The following CTC1 variants were observed in gnomAD, a reference collection of about 807,000 sequenced individuals.
CTC1 encodes the protein CST complex subunit CTC1.
Under a neutral mutation model 136.3 loss-of-function variants are expected in CTC1, and 91 were observed. The ratio of observed to expected loss-of-function variants is 0.67; its 90% confidence interval spans 0.56 to 0.79. CTC1 has a LOEUF of 0.79. Among genes scored for constraint, CTC1 ranks in the 30% least tolerant of loss-of-function variants. CTC1 has a pLI of 0.00. For synonymous variants in CTC1, 606 were observed against 613.8 expected, an observed-to-expected ratio of 0.99 and a Z score of 0.19; for missense variants, 1,432 against 1,498.1, an observed-to-expected ratio of 0.96 and a Z score of 0.73.
intron 1 of CTC1, among the ~76,000 whole-genome samples, chr17:8,245,498 A>G (rs570908211): frequency 6.8e-4 from 104 of 152,068 alleles, no homozygotes; most frequent in Non-Finnish European, 1.2e-3. Context: ...CTCTCCCAGT[A>G]TTCTTTTGTA....
At chr17:8,232,858 A>G (rs751025598) in intron 11 of CTC1, 48 bp downstream of exon 11, 1 of 1,600,376 alleles carries the variant, frequency 6.2e-7, no homozygotes, top group South Asian at 1.1e-5. Flanking sequence ...CCTGGCTATG[A>G]GAACCACCAT....
At chr17:8,245,270 G>A (rs1378173604) in intron 1 of CTC1, among the ~76,000 whole-genome samples, 1 of 151,984 alleles carries the variant, frequency 6.6e-6, no homozygotes, top group Non-Finnish European at 1.5e-5. Flanking sequence ...ATAAACCTGC[G>A]CACGTCCCCC....
intron 12 of CTC1, 50 bp downstream of exon 12, chr17:8,232,311 G>A (rs1421211868): frequency 1.9e-6 from 3 of 1,585,136 alleles, no homozygotes; most frequent in Non-Finnish European, 2.6e-6. Flanking sequence ...CTTCCACCAG[G>A]CCCTTCCTTC....
At position 8,242,543 on chromosome 17, in the gene CTC1, A is replaced by ATAT. The variant is rs1988328631; in HGVS notation, c.197+441_197+442insATA. 4.7e-5 allele frequency among the ~76,000 whole-genome samples: 4 copies of ATAT among 85,782 alleles called. No individual in the cohort carries two copies. The Admixed American group carries it at 7.9e-4, about 17-fold the overall frequency. 56.3% of individuals were successfully genotyped at this position (85,782 alleles called of 152,430 possible). On this transcript the variant is annotated intron_variant, in intron 2 of 22. Transcript: ENST00000651323. Reference sequence around the variant, plus strand: ...ATGATAGTGTAGAGAGAAAAAAAAAAAAAAAAAAAAATATATATATATATA... The same window carrying ATAT: ...ATGATAGTGTAGAGAGAAAAAAAAAATATAAAAAAAAAAATATATATATATATA...
At chr17:8,231,570 G>A (rs1315192739) in intron 14 of CTC1, 101 bp from the exon 15 acceptor site, 2 of 1,287,668 alleles carry the variant, frequency 1.6e-6, no homozygotes, top group Non-Finnish European at 2.2e-6. Flanking sequence ...GGAGCATGGA[G>A]AAGGAAGTGT....
chr17:8,232,188 C>A lies in CTC1; in HGVS notation c.2100G>T (p.Leu700=). 1 of 1,527,520 alleles carries A rather than the reference C, an allele frequency of 6.5e-7. No individual in the cohort carries two copies. The highest frequency in any genetic ancestry group is 8.8e-7 in the Non-Finnish European group (1 of 1,141,242). The allele number at this position is 1,527,520 out of a possible 1,614,324, so 94.6% of individuals were successfully genotyped here. ...AATGAAGGCAGGGTCTGGGCACAGG[C>A]AGGATCAGGGCATCAGCCAGAAAGA... is the stretch of plus-strand genomic sequence containing the variant. The part of the protein sequence containing the change: ...VQFFLADALI[L]PVPRPCLHSA... The change falls in exon 13 of 23, where the codon CTG becomes CTT. Residue 700 remains leucine (L), a synonymous_variant. Coordinates refer to ENST00000651323, the MANE Select transcript of CTC1 (RefSeq NM_025099.6).
At chr17:8,241,014 C>A (rs577635575) in intron 2 of CTC1, among the ~76,000 whole-genome samples, 4 of 151,992 alleles carry the variant, frequency 2.6e-5, no homozygotes, top group Admixed American at 6.6e-5. Flanking sequence ...ATGGGCCGGG[C>A]GCGGTGGCTC....
In CTC1 at chr17:8,234,508, G is replaced by A. The variant is rs759152295; in HGVS notation, c.1765C>T (p.Arg589Cys). 6.9e-5 allele frequency: 108 copies of A among 1,555,054 alleles called. No individual in the cohort carries two copies. Among genetic ancestry groups the A allele is most frequent in the Non-Finnish European group, 7.9e-5 (91 of 1,148,628 alleles). Residue 589 changes from arginine (R) to cysteine (C), a missense_variant, in exon 10 of 23, where the codon CGC becomes TGC. Coordinates refer to ENST00000651323, the MANE Select transcript of CTC1 (RefSeq NM_025099.6). ...SYLPSCQLNR[R>C]LAWSWLCLLP... is the part of the protein sequence containing the mutation. ...AGACAGAGCCAGGACCAAGCCAGGC[G>A]GCGATTGAGTTGGCAGCTGGGCAGG... is the stretch of plus-strand genomic sequence containing the variant.
rs1010062693 is a variant in CTC1 at position 8,237,380 on chromosome 17, C to A, written c.787G>T (p.Val263Leu). 1 of 1,613,928 alleles carries A rather than the reference C, an allele frequency of 6.2e-7. No homozygotes were observed. The highest frequency in any genetic ancestry group is 1.3e-5 in the African/African-American group (1 of 74,874). ...HPAVTHVSII[V>L]QVPAQLVWHR... Reference sequence around the variant, plus strand: ...GAAATGACCCCAGTCCTCACCTGCACGATGATGGACACGTGGGTGACAGCT... The same window carrying A: ...GAAATGACCCCAGTCCTCACCTGCAAGATGATGGACACGTGGGTGACAGCT... The change falls in exon 5 of 23, where the codon GTG becomes TTG. Residue 263 changes from valine to leucine, a missense_variant. Coordinates refer to ENST00000651323, the MANE Select transcript of CTC1 (RefSeq NM_025099.6).
intron 2 of CTC1, among the ~76,000 whole-genome samples, chr17:8,242,533 GAAAAAA>G (rs58895309): frequency 0.03 from 2,488 of 83,522 alleles, 34 homozygotes; most frequent in African/African-American, 0.072. Context: ...AGTGTAGAGA[GAAAAAA>G]AAAAAAAAAA....
Position 8,229,914 on chromosome 17 carries a change from A to G in CTC1, c.2988T>C (p.Ser996=). 6.2e-7 allele frequency: 1 copy of G among 1,614,020 alleles called. No homozygotes were observed. The highest frequency in any genetic ancestry group is 8.5e-7 in the Non-Finnish European group (1 of 1,179,988). ...FRSSTYVQVL[S]FPPETTISIP... ...ACCTGATGGTGGTCTCAGGGGGAAA[A>G]CTCAGGACCTGCACATAAGTGGATG... is the stretch of plus-strand genomic sequence containing the variant. Residue 996 remains serine, a synonymous_variant, in exon 18 of 23, where the codon AGT becomes AGC. Coordinates refer to ENST00000651323, the MANE Select transcript of CTC1 (RefSeq NM_025099.6).
intron 19 of CTC1, 41 bp downstream of exon 19, chr17:8,229,261 G>A (rs753432164): frequency 6.2e-7 from 1 of 1,613,964 alleles, no homozygotes; most frequent in South Asian, 1.1e-5. Flanking sequence ...CATCCCTCTG[G>A]CACTCCATAC....
chr17:8,234,384 C>T (rs1031728686), intron 10 of CTC1, 71 bp downstream of exon 10: 51 of 1,407,728 alleles, frequency 3.6e-5, no homozygotes, highest in Middle Eastern at 3.5e-4. Flanking sequence ...AGATAGTAAC[C>T]GAGACTAGAG....
Position 8,236,249 on chromosome 17 carries a change from G to C in CTC1, c.886C>G (p.Gln296Glu). ...GACTGACTGGTCATCCAAACATGCT[G>C]GCGCTGACCACGGATCTTGGACACT... ...LRVSKIRGQR[Q>E]HVWMTSQSSR... Residue 296 changes from glutamine to glutamate, a missense_variant, in exon 6 of 23, where the codon CAG becomes GAG. By Grantham distance (29) the Gln-to-Glu change is conservative (BLOSUM62 2). Coordinates refer to ENST00000651323, the MANE Select transcript of CTC1 (RefSeq NM_025099.6). 6.2e-7 allele frequency: 1 copy of C among 1,614,196 alleles called. No homozygotes were observed. The highest frequency in any genetic ancestry group is 8.5e-7 in the Non-Finnish European group (1 of 1,180,048).
In CTC1 at chr17:8,226,179, C is replaced by G. The variant is rs1049450711; in HGVS notation, c.*2001G>C. On this transcript the variant is annotated 3_prime_UTR_variant, in exon 23 of 23. Transcript: ENST00000651323. ...ACTCTTACGCGTTCTGATATAAAAACAATACATGAAAGGATGTGGATTTAG... is the reference window on the plus strand; with the variant it reads ...ACTCTTACGCGTTCTGATATAAAAAGAATACATGAAAGGATGTGGATTTAG... 1 of 152,154 alleles carries G rather than the reference C, an allele frequency of 6.6e-6. No homozygotes were observed. Among genetic ancestry groups the G allele is most frequent in the East Asian group, 1.9e-4 (1 of 5,202 alleles). The allele number at this position is 152,154 out of a possible 1,614,324, so 9.4% of individuals were successfully genotyped here.
rs553791271 is a variant in CTC1, at chr17:8,247,395, C to G, written c.33+609G>C. Among the ~76,000 whole-genome samples, 3 of 149,916 alleles carry G rather than the reference C, an allele frequency of 2.0e-5. No homozygotes were observed. The South Asian group carries it at 6.4e-4, about 32-fold the overall frequency. On this transcript the variant is annotated intron_variant, in intron 1 of 22. Transcript: ENST00000651323. Reference sequence around the variant, plus strand: ...CACAATCTCAGCTCACTGCAGCCTCCGTCTACCCGGTTCAAGCGATTCTCC... The same window carrying G: ...CACAATCTCAGCTCACTGCAGCCTCGGTCTACCCGGTTCAAGCGATTCTCC...
chr17:8,240,645 C>T (rs562147162), intron 2 of CTC1, among the ~76,000 whole-genome samples: 16 of 147,938 alleles, frequency 1.1e-4, no homozygotes, highest in East Asian at 1.1e-3. Context: ...TTTGGGAGGC[C>T]GAGGCGGGAG....
At position 8,226,666 on chromosome 17, in the gene CTC1, C is replaced by A. The variant is rs571455694; in HGVS notation, c.*1514G>T. 3.3e-5 allele frequency: 5 copies of A among 152,210 alleles called. No homozygotes were observed. The highest frequency in any genetic ancestry group is 1.2e-4 in the African/African-American group (5 of 41,452). The allele number at this position is 152,210 out of a possible 1,614,324, so 9.4% of individuals were successfully genotyped here. On this transcript the variant is annotated 3_prime_UTR_variant, in exon 23 of 23. Coordinates refer to ENST00000651323, the MANE Select transcript of CTC1 (RefSeq NM_025099.6). The stretch of plus-strand genomic sequence containing the variant: ...AGACCCCAATGGATTTCTAGTCCAT[C>A]GCCTTAACCACTCGGCCACGACTAC...
intron 1 of CTC1, 162 bp downstream of exon 1, chr17:8,247,842 C>G (rs1173219424): frequency 3.0e-6 from 2 of 674,160 alleles, no homozygotes; most frequent in African/African-American, 1.8e-5. Flanking sequence ...TAAACATTCG[C>G]AGAACCAGTA....
Sources: allele counts gnomAD v4.1 joint callset (sites outside exome capture counted in the v4.1 genomes callset), GRCh38; gene constraint gnomAD v4.1.1; transcripts MANE v1.5; gene names NCBI Gene and HGNC (gene_info 2026-07-23, HGNC 2026-07-21).